NTNG1: variants seen among roughly 807,000 people sequenced by gnomAD.
The protein encoded by NTNG1 is netrin-G1.
In NTNG1, 16 loss-of-function variants were observed where a neutral mutation model predicts 54.0. That is an observed-to-expected ratio of 0.30 (90% confidence interval 0.20 to 0.45). NTNG1 has a LOEUF of 0.45. Ranked by LOEUF, NTNG1 falls within the 20% of genes least tolerant of loss-of-function variation. The pLI is 1.00. For synonymous variants in NTNG1, 255 were observed against 263.1 expected (o/e 0.97, Z 0.30); for missense variants, 530 against 678.7 (o/e 0.78, Z 2.43).
intron 2 of NTNG1, among the ~76,000 whole-genome samples, chr1:107,177,022 C>G (rs1360165578): frequency 6.6e-6 from 1 of 152,052 alleles, no homozygotes; most frequent in Non-Finnish European, 1.5e-5. Flanking sequence ...GCAAAATTGC[C>G]CCAGTTGAGA....
intron 2 of NTNG1, among the ~76,000 whole-genome samples, chr1:107,183,870 T>C (rs10881456): frequency 0.76 from 115,458 of 151,980 alleles, 44,888 homozygotes; most frequent in Middle Eastern, 0.87. Context: ...TTTCAACCAG[T>C]TGCCTAAGCC....
chr1:107,329,905 CA>C (rs924173527), intron 3 of NTNG1, among the ~76,000 whole-genome samples: 41 of 146,984 alleles, frequency 2.8e-4, no homozygotes, highest in Admixed American at 6.8e-4. Context: ...ACAACAACGA[CA>C]AAAAAAAAAT....
chr1:107,268,410 A>G (rs1467365574), intron 2 of NTNG1, among the ~76,000 whole-genome samples: 1 of 151,832 alleles, frequency 6.6e-6, no homozygotes, highest in Non-Finnish European at 1.5e-5. Context: ...CATTGGACTC[A>G]GTTGGTTACT....
At chr1:107,215,731 T>C (rs1480557204) in intron 2 of NTNG1, among the ~76,000 whole-genome samples, 2 of 152,182 alleles carry the variant, frequency 1.3e-5, no homozygotes, top group Non-Finnish European at 2.9e-5. Context: ...CTTTTGGCAG[T>C]GTGGTCATTT....
chr1:107,318,442 A>G (rs1481095609), intron 2 of NTNG1, among the ~76,000 whole-genome samples: 1 of 99,672 alleles, frequency 1.0e-5, no homozygotes, highest in African/African-American at 3.2e-5. Flanking sequence ...GTTTCCTTTG[A>G]AAAGGAAAAA....
chr1:107,218,652 A>G (rs1432403460), intron 2 of NTNG1, among the ~76,000 whole-genome samples: 1 of 152,152 alleles, frequency 6.6e-6, no homozygotes, highest in Non-Finnish European at 1.5e-5. Flanking sequence ...CTGGCTTGGT[A>G]GTGGCAAATT....
At chr1:107,170,663 A>C (rs576245017) in intron 2 of NTNG1, among the ~76,000 whole-genome samples, 40 of 152,212 alleles carry the variant, frequency 2.6e-4, no homozygotes, top group African/African-American at 9.1e-4. Context: ...TTTGGTATTT[A>C]TATGTTTTGT....
At chr1:107,425,441 C>A (rs1325715271) in intron 5 of NTNG1, among the ~76,000 whole-genome samples, 1 of 152,020 alleles carries the variant, frequency 6.6e-6, no homozygotes, top group African/African-American at 2.4e-5. Context: ...ATATTTGATT[C>A]TCTGCTTCTC....
At chr1:107,435,888 C>T (rs1336118968) in intron 6 of NTNG1, among the ~76,000 whole-genome samples, 1 of 152,022 alleles carries the variant, frequency 6.6e-6, no homozygotes, top group Non-Finnish European at 1.5e-5. Flanking sequence ...AAGCTTTAAG[C>T]AAAATAGAGC....
At chr1:107,140,156 G>C (rs1425344798), upstream of NTNG1, 1 of 153,924 alleles carries the variant, frequency 6.5e-6, no homozygotes, top group African/African-American at 2.4e-5. Flanking sequence ...CAGCAACAGC[G>C]AGCGGGACGG....
At chr1:107,235,692 C>G (rs146307124) in intron 2 of NTNG1, among the ~76,000 whole-genome samples, 2 of 152,284 alleles carry the variant, frequency 1.3e-5, no homozygotes, top group African/African-American at 4.8e-5. Flanking sequence ...AAGTATACTC[C>G]TTCCACTTTT....
intron 2 of NTNG1, among the ~76,000 whole-genome samples, chr1:107,200,220 TA>T (rs67412936): frequency 0.045 from 6,786 of 151,978 alleles, 153 homozygotes; most frequent in Non-Finnish European, 0.052. Flanking sequence ...TAGTCATTCA[TA>T]AACATTCTTT....
At chr1:107,214,888 T>C (rs985789956) in intron 2 of NTNG1, among the ~76,000 whole-genome samples, 1 of 152,092 alleles carries the variant, frequency 6.6e-6, no homozygotes, top group African/African-American at 2.4e-5. Flanking sequence ...ATTAGTGATG[T>C]TGAGCATTGT....
chr1:107,201,446 T>G (rs1402771673), intron 2 of NTNG1, among the ~76,000 whole-genome samples: 1 of 151,864 alleles, frequency 6.6e-6, no homozygotes, highest in African/African-American at 2.4e-5. Context: ...GATTTCTTCT[T>G]CATTTCCCTT....
chr1:107,249,348 G>A (rs775514848), intron 2 of NTNG1, among the ~76,000 whole-genome samples: 129 of 151,080 alleles, frequency 8.5e-4, no homozygotes, highest in Admixed American at 4.6e-3. Flanking sequence ...TGGGCGTAGT[G>A]GCGCATGCCT....
At chr1:107,327,381 C>G (rs746309177) in intron 3 of NTNG1, among the ~76,000 whole-genome samples, 1 of 152,064 alleles carries the variant, frequency 6.6e-6, no homozygotes, top group Admixed American at 6.6e-5. Context: ...GAGCTATAGT[C>G]TGGTTCAGGG....
Position 107,430,774 on chromosome 1 carries a change from A to G in NTNG1, c.1112A>G (p.Asn371Ser), listed in dbSNP as rs753812154. Residue 371 changes from asparagine (N) to serine (S), a missense_variant, in exon 6 of 8, where the codon AAT becomes AGT. Physicochemically the swap from Asn to Ser is conservative, Grantham distance 46 (BLOSUM62 1). This residue lies in a region of NTNG1 where 318 missense variants were observed against 465.1 expected (regional missense o/e 0.68). Coordinates refer to ENST00000370068, the MANE Select transcript of NTNG1 (RefSeq NM_001113226.3). The stretch of plus-strand genomic sequence containing the variant: ...GATTGTGAATGCTTCGGCCACTCCA[A>G]TCGATGCAGTTATATCGATCTGCTA... ...IGNCECFGHS[N>S]RCSYIDLLNT... 8.1e-6 allele frequency: 13 copies of G among 1,613,134 alleles called. No homozygotes were observed. Among genetic ancestry groups the G allele is most frequent in the Middle Eastern group, 1.6e-4 (1 of 6,078 alleles).
rs189523540 is a variant in NTNG1 at position 107,147,970 on chromosome 1, G to T, written c.-525-99G>T. On this transcript the variant is annotated intron_variant, in intron 1 of 7. Transcript: ENST00000370068. ...AAGGTTATCTGTATTACACCAATTT[G>T]CTTTATATTGCATCAGACCTCCAAA... The T allele has an allele frequency of 8.5e-5, 13 of 152,450 alleles. 1 individual carries two copies. In the East Asian group the frequency reaches 2.5e-3, roughly 29 times the overall value. The allele number at this position is 152,450 out of a possible 1,614,324, so 9.4% of individuals were successfully genotyped here. A position where few individuals can be genotyped will look rare whatever the true frequency, so the allele number is the denominator to read the frequency against.
At chr1:107,185,590 T>C (rs1463533984) in intron 2 of NTNG1, among the ~76,000 whole-genome samples, 1 of 152,200 alleles carries the variant, frequency 6.6e-6, no homozygotes, top group African/African-American at 2.4e-5. Context: ...CTTTCTGAGG[T>C]TTGAGTGGCT....
Sources: allele counts gnomAD v4.1 joint callset (sites outside exome capture counted in the v4.1 genomes callset), GRCh38; gene constraint gnomAD v4.1.1; regional missense constraint gnomAD v4.1.1; transcripts MANE v1.5; gene names NCBI Gene and HGNC (gene_info 2026-07-23, HGNC 2026-07-21).